The following GALNT1 variants were observed in gnomAD, a reference collection of about 807,000 sequenced individuals.
The protein encoded by GALNT1 is polypeptide N-acetylgalactosaminyltransferase 1, also known as GalNAc transferase 1.
Under a neutral mutation model 65.7 loss-of-function variants are expected in GALNT1, and 17 were observed. That is an observed-to-expected ratio of 0.26 (90% CI 0.18 to 0.39). The LOEUF (loss-of-function observed/expected upper bound fraction) is 0.39, where lower values mean the gene tolerates loss of function less well. GALNT1 is among the 10% of genes least tolerant of loss of function. The pLI is 1.00. For missense variants in GALNT1, 460 were observed against 672.8 expected, an observed-to-expected ratio of 0.68 and a Z score of 3.50; for synonymous variants, 210 against 219.7, an observed-to-expected ratio of 0.96 and a Z score of 0.39.
chr18:35,641,717 C>A (rs958480524), intron 1 of GALNT1, among the ~76,000 whole-genome samples: 1 of 152,204 alleles, frequency 6.6e-6, no homozygotes, highest in African/African-American at 2.4e-5. Flanking sequence ...ACATCCACCA[C>A]GTGCAGTGAT....
chr18:35,637,030 G>C (rs1627962), intron 1 of GALNT1, among the ~76,000 whole-genome samples: 2 of 151,940 alleles, frequency 1.3e-5, no homozygotes, highest in African/African-American at 4.8e-5. Flanking sequence ...GCCCATACAA[G>C]ACGGCAAGTT....
intron 11 of GALNT1, among the ~76,000 whole-genome samples, chr18:35,707,964 A>G (rs986184053): frequency 1.3e-5 from 2 of 152,264 alleles, no homozygotes; most frequent in African/African-American, 4.8e-5. Flanking sequence ...GCATTACTCT[A>G]TAAATGCAAA....
intron 10 of GALNT1, 71 bp downstream of exon 10, chr18:35,703,066 A>T (rs1410291585): frequency 4.9e-6 from 4 of 814,538 alleles, no homozygotes; most frequent in African/African-American, 3.5e-5. Context: ...TTTTTATACC[A>T]TGACATCATT....
intron 1 of GALNT1, among the ~76,000 whole-genome samples, chr18:35,621,706 A>G: frequency 6.6e-6 from 1 of 152,166 alleles, no homozygotes; most frequent in Non-Finnish European, 1.5e-5. Context: ...TTCCTGATCT[A>G]ATGACGTGAC....
At chr18:35,608,562 C>A (rs2144024150) in intron 1 of GALNT1, among the ~76,000 whole-genome samples, 1 of 152,182 alleles carries the variant, frequency 6.6e-6, no homozygotes, top group Middle Eastern at 3.4e-3. Context: ...CCAAACTAAA[C>A]AAAGATTCAC....
chr18:35,676,329 G>A (rs548262257), intron 3 of GALNT1, among the ~76,000 whole-genome samples: 64 of 152,270 alleles, frequency 4.2e-4, no homozygotes, highest in African/African-American at 1.5e-3. Context: ...GGAATATATC[G>A]AAGGACAGGG....
chr18:35,583,583 T>G (rs1399926821), intron 1 of GALNT1, among the ~76,000 whole-genome samples: 2 of 152,228 alleles, frequency 1.3e-5, no homozygotes, highest in Non-Finnish European at 2.9e-5. Flanking sequence ...TAAATGCTTG[T>G]TGGATAAACG....
At chr18:35,617,893 A>G (rs2046804812) in intron 1 of GALNT1, among the ~76,000 whole-genome samples, 1 of 152,176 alleles carries the variant, frequency 6.6e-6, no homozygotes, top group Non-Finnish European at 1.5e-5. Context: ...AATAAAAACA[A>G]TACCTATTTT....
chr18:35,659,387 G>GT (rs1355236219), intron 2 of GALNT1, among the ~76,000 whole-genome samples: 2 of 152,296 alleles, frequency 1.3e-5, no homozygotes, highest in Middle Eastern at 6.8e-3. Flanking sequence ...AGAGGGGTTT[G>GT]TTTTTTCTGA....
At chr18:35,591,698 G>A (rs1198675730) in intron 1 of GALNT1, 1 of 154,370 alleles carries the variant, frequency 6.5e-6, no homozygotes, top group Non-Finnish European at 1.5e-5. Flanking sequence ...ATTTTGACGA[G>A]GGCATTGATT....
At chr18:35,596,658 A>C (rs936116678) in intron 1 of GALNT1, 1 of 152,174 alleles carries the variant, frequency 6.6e-6, no homozygotes, top group Admixed American at 6.5e-5. Context: ...CACCGGGCAG[A>C]AATTTCAGGT....
At chr18:35,666,140 A>C (rs1355912685) in intron 3 of GALNT1, among the ~76,000 whole-genome samples, 1 of 152,238 alleles carries the variant, frequency 6.6e-6, no homozygotes, top group Non-Finnish European at 1.5e-5. Flanking sequence ...ATTGAAATAC[A>C]TAGAAAACCA....
At chr18:35,612,199 G>C (rs111350501) in intron 1 of GALNT1, among the ~76,000 whole-genome samples, 10 of 152,108 alleles carry the variant, frequency 6.6e-5, no homozygotes, top group African/African-American at 2.4e-4. Context: ...ATATTTTTAA[G>C]ATGTGATTTA....
intron 11 of GALNT1, among the ~76,000 whole-genome samples, chr18:35,708,201 C>T (rs1311639681): frequency 1.3e-5 from 2 of 151,944 alleles, no homozygotes; most frequent in African/African-American, 4.8e-5. Flanking sequence ...TGTCTGACTG[C>T]AAAGCCCCTC....
At chr18:35,649,275 A>G (rs2047279398) in intron 1 of GALNT1, among the ~76,000 whole-genome samples, 1 of 151,854 alleles carries the variant, frequency 6.6e-6, no homozygotes, top group African/African-American at 2.4e-5. Flanking sequence ...GTGGTGTTTC[A>G]TTGTGGTTTT....
intron 9 of GALNT1, among the ~76,000 whole-genome samples, chr18:35,701,703 G>A (rs896901168): frequency 1.6e-4 from 25 of 152,146 alleles, no homozygotes; most frequent in Non-Finnish European, 4.4e-5. Context: ...AAATTTTGGA[G>A]AAATGATAAT....
At chr18:35,692,054 T>A in intron 8 of GALNT1, 127 bp from the exon 9 acceptor site, 1 of 727,348 alleles carries the variant, frequency 1.4e-6, no homozygotes. Flanking sequence ...GTGTCTCCAC[T>A]TGTATAGTCA....
At chr18:35,589,660 T>A (rs753753286) in intron 1 of GALNT1, among the ~76,000 whole-genome samples, 18 of 152,176 alleles carry the variant, frequency 1.2e-4, no homozygotes, top group Non-Finnish European at 2.1e-4. Flanking sequence ...TTAAGAATCT[T>A]CTCATGTTTG....
At chr18:35,646,453 G>T (rs1315848661) in intron 1 of GALNT1, among the ~76,000 whole-genome samples, 2 of 152,182 alleles carry the variant, frequency 1.3e-5, no homozygotes, top group Non-Finnish European at 2.9e-5. Context: ...CTTGCCTGGG[G>T]CTGCTTTCAA....
Sources: gnomAD v4.1 joint callset for allele counts (sites outside exome capture counted in the v4.1 genomes callset) on GRCh38, gnomAD v4.1.1 for gene constraint, MANE v1.5 for transcripts, NCBI Gene and HGNC (gene_info 2026-07-23, HGNC 2026-07-21) for gene names.